Variants in ARHGAP11B observed in about 807,000 individuals in gnomAD.
ARHGAP11B encodes the protein inactive Rho GTPase-activating protein 11B.
ARHGAP11B carries 14 observed loss-of-function variants against 27.6 expected under a neutral mutation model. That is an observed-to-expected ratio of 0.51 (90% confidence interval 0.34 to 0.79). The LOEUF is 0.79. ARHGAP11B is among the 30% of genes least tolerant of loss of function. The probability of loss-of-function intolerance (pLI) is 0.02; values close to 1 mark genes in which losing one functional copy is unlikely to be tolerated. For synonymous variants in ARHGAP11B, 82 were observed against 114.1 expected, an observed-to-expected ratio of 0.72 and a Z score of 1.80; for missense variants, 245 against 320.1, an observed-to-expected ratio of 0.77 and a Z score of 1.79.
At chr15:30,646,363 A>G (rs1434684943) in intron 9 of ARHGAP11B, 1 of 308,330 alleles carries the variant, frequency 3.2e-6, no homozygotes. Context: ...CAAGTGCTAA[A>G]ATAGCAATTT....
Position 30,638,860 on chromosome 15 carries a change from G to A in ARHGAP11B, c.*78+40G>A. 3.7e-6 allele frequency: 4 copies of A among 1,077,328 alleles called. 1 individual carries two copies. The highest frequency in any genetic ancestry group is 5.1e-6 in the Non-Finnish European group (4 of 779,904). The allele number at this position is 1,077,328 out of a possible 1,614,324, so 66.7% of individuals were successfully genotyped here. ...TATGCATTTATTTAAATTAAAATTT[G>A]TATAGTATTCTATAAAATACAATTA... On this transcript the variant is annotated intron_variant, in intron 7 of 10. Coordinates refer to ENST00000428041, the Ensembl canonical transcript of ARHGAP11B.
chr15:30,647,730 A>AT, intron 10 of ARHGAP11B: 1 of 209,630 alleles, frequency 4.8e-6, no homozygotes, highest in Non-Finnish European at 1.1e-5. Context: ...TAACATTTAT[A>AT]TTTTAAAAAT....
chr15:30,631,230 G>C (rs1234290300), intron 2 of ARHGAP11B, among the ~76,000 whole-genome samples: 6 of 151,432 alleles, frequency 4.0e-5, no homozygotes, highest in African/African-American at 7.3e-5. Context: ...CCAGTAATGA[G>C]TAAATGTTAG....
chr15:30,626,411 AT>A (rs1485679220), exon 1 of ARHGAP11B: 1 of 176,550 alleles, frequency 5.7e-6, no homozygotes, highest in African/African-American at 2.4e-5. Context: ...TTCTCTTCAC[AT>A]TTCAGAGCGA....
chr15:30,629,805 C>T (rs1001158834), intron 1 of ARHGAP11B, among the ~76,000 whole-genome samples: 1 of 152,022 alleles, frequency 6.6e-6, no homozygotes, highest in African/African-American at 2.4e-5. Flanking sequence ...AAAAGTACTT[C>T]AGCATTCACA....
At chr15:30,649,059 C>T (rs2140913967) in exon 11 of ARHGAP11B, 1 of 152,140 alleles carries the variant, frequency 6.6e-6, no homozygotes, top group East Asian at 1.9e-4. Flanking sequence ...TTCAAACAGA[C>T]ATTCCAAATC....
intron 2 of ARHGAP11B, among the ~76,000 whole-genome samples, chr15:30,632,793 G>T (rs932805683): frequency 1.3e-5 from 2 of 151,840 alleles, no homozygotes; most frequent in African/African-American, 4.8e-5. Context: ...TAATGTTGGG[G>T]TGAGGAAAAA....
At chr15:30,637,816 CTTT>C (rs398026724) in intron 6 of ARHGAP11B, among the ~76,000 whole-genome samples, 8 of 103,110 alleles carry the variant, frequency 7.8e-5, no homozygotes, top group African/African-American at 1.2e-4. Context: ...TTAAGGCTCA[CTTT>C]TTTTTTTTTT....
chr15:30,628,040 T>C (rs1350494156), intron 1 of ARHGAP11B, among the ~76,000 whole-genome samples: 1 of 151,692 alleles, frequency 6.6e-6, no homozygotes, highest in Non-Finnish European at 1.5e-5. Flanking sequence ...TGGAAGAGTT[T>C]GTATATGGAC....
chr15:30,632,282 G>A (rs1466783142), intron 2 of ARHGAP11B, among the ~76,000 whole-genome samples: 31 of 132,852 alleles, frequency 2.3e-4, no homozygotes, highest in African/African-American at 8.6e-4. Flanking sequence ...TTAGCTGGGC[G>A]TAGTGATGTG....
At chr15:30,646,209 T>C (rs948721915) in exon 9 of ARHGAP11B, 2 of 1,058,958 alleles carry the variant, frequency 1.9e-6, no homozygotes, top group Non-Finnish European at 2.3e-6. Context: ...CTCGGGGACC[T>C]CCTGAGCCAA....
At chr15:30,645,980 A>T (rs2060345071) in intron 8 of ARHGAP11B, 1 of 161,660 alleles carries the variant, frequency 6.2e-6, no homozygotes, top group Non-Finnish European at 1.3e-5. Context: ...TCATCTTTGG[A>T]GTATTTTTGA....
chr15:30,642,739 C>A (rs1228870432), intron 7 of ARHGAP11B, among the ~76,000 whole-genome samples: 1 of 152,010 alleles, frequency 6.6e-6, no homozygotes, highest in South Asian at 2.1e-4. Flanking sequence ...GCAATGGTGC[C>A]TATCCCTGCC....
intron 6 of ARHGAP11B, among the ~76,000 whole-genome samples, chr15:30,636,595 T>C (rs1222958159): frequency 6.6e-6 from 1 of 152,138 alleles, no homozygotes; most frequent in African/African-American, 2.4e-5. Flanking sequence ...TGATGACTTA[T>C]GTATGATTTT....
At chr15:30,638,927 C>G in intron 7 of ARHGAP11B, 117 bp downstream of exon 7, 2 of 555,308 alleles carry the variant, frequency 3.6e-6, no homozygotes, top group Non-Finnish European at 5.7e-6. Flanking sequence ...TTAGTTTAAT[C>G]AAATCAAATA....
chr15:30,634,544 A>G (rs2060266754), intron 4 of ARHGAP11B, 121 bp downstream of exon 4: 1 of 1,431,224 alleles, frequency 7.0e-7, no homozygotes, highest in Non-Finnish European at 9.4e-7. Context: ...TCCATATTTC[A>G]TTACTATGAG....
At chr15:30,643,667 C>T (rs1207428898) in intron 7 of ARHGAP11B, among the ~76,000 whole-genome samples, 1 of 151,904 alleles carries the variant, frequency 6.6e-6, no homozygotes, top group African/African-American at 2.4e-5. Flanking sequence ...TGAAGAATGT[C>T]CCTTAATTTA....
intron 1 of ARHGAP11B, among the ~76,000 whole-genome samples, chr15:30,630,086 A>G (rs965046398): frequency 7.9e-5 from 12 of 152,170 alleles, no homozygotes; most frequent in Non-Finnish European, 1.8e-4. Flanking sequence ...GTTTCCAGCT[A>G]GTTAAATGAA....
intron 7 of ARHGAP11B, among the ~76,000 whole-genome samples, chr15:30,644,036 A>C (rs2060330562): frequency 6.6e-6 from 1 of 151,954 alleles, no homozygotes; most frequent in South Asian, 2.1e-4. Context: ...CCATCCTTCA[A>C]GACCTCAACC....
Sources: allele counts gnomAD v4.1 joint callset (sites outside exome capture counted in the v4.1 genomes callset), GRCh38; gene constraint gnomAD v4.1.1; transcripts MANE v1.5; gene names NCBI Gene and HGNC (gene_info 2026-07-23, HGNC 2026-07-21).